Variants in CEP85 observed in about 807,000 individuals in gnomAD.
CEP85 encodes centrosomal protein of 85 kDa.
CEP85 carries 58 observed loss-of-function variants against 93.7 expected under a neutral mutation model. The ratio of observed to expected loss-of-function variants is 0.62; its 90% CI spans 0.50 to 0.77. The LOEUF (loss-of-function observed/expected upper bound fraction) is 0.77. Among genes scored for constraint, CEP85 ranks in the 30% least tolerant of loss-of-function variants. CEP85 has a pLI of 0.00. For synonymous variants in CEP85, 314 were observed against 338.6 expected, an observed-to-expected ratio of 0.93 and a Z score of 0.80; for missense variants, 868 against 922.0, an observed-to-expected ratio of 0.94 and a Z score of 0.76.
intron 7 of CEP85, 55 bp downstream of exon 7, chr1:26,259,857 T>C (rs2089779769): frequency 4.1e-6 from 6 of 1,452,272 alleles, no homozygotes; most frequent in Non-Finnish European, 3.7e-6. Context: ...GTCAGCTGTC[T>C]ACTCTAAAGC....
At chr1:26,239,867 A>G in intron 2 of CEP85, 29 bp downstream of exon 2, 1 of 1,551,582 alleles carries the variant, frequency 6.4e-7, no homozygotes. Flanking sequence ...TCTGGGTTAA[A>G]TTCTGACCTT....
In CEP85 at chr1:26,274,953, G is replaced by T; in HGVS notation, c.1795-11G>T. ...TACTGTGTTCCCTCAACATCTTGCT[G>T]TGTGATTCAGAGCCTAGAGCAGGAA... On this transcript the variant is annotated splice_polypyrimidine_tract_variant and intron_variant, in intron 11 of 13. Coordinates refer to ENST00000451429, the MANE Select transcript of CEP85 (RefSeq NM_001319944.2). 1 of 1,556,084 alleles carries T rather than the reference G, an allele frequency of 6.4e-7. No homozygotes were observed. Among genetic ancestry groups the T allele is most frequent in the Non-Finnish European group, 8.7e-7 (1 of 1,148,892 alleles).
intron 9 of CEP85, among the ~76,000 whole-genome samples, chr1:26,270,182 T>C (rs934709899): frequency 1.3e-5 from 2 of 152,126 alleles, no homozygotes; most frequent in African/African-American, 4.8e-5. Flanking sequence ...ATTCTTAGTA[T>C]GTATGTGTTG....
At chr1:26,271,754 G>A in intron 10 of CEP85, 1 of 449,598 alleles carries the variant, frequency 2.2e-6, no homozygotes. Context: ...AGTTATTAGG[G>A]TGAGAGTTCC....
chr1:26,236,571 T>A (rs1341807124), intron 1 of CEP85, among the ~76,000 whole-genome samples: 2 of 152,220 alleles, frequency 1.3e-5, no homozygotes, highest in African/African-American at 4.8e-5. Context: ...CAAGAATGAT[T>A]TATTTTGTAT....
At chr1:26,257,251 C>T (rs928670067) in intron 4 of CEP85, among the ~76,000 whole-genome samples, 1 of 152,096 alleles carries the variant, frequency 6.6e-6, no homozygotes, top group Non-Finnish European at 1.5e-5. Context: ...TTTAAAAAAT[C>T]CTTGTGCTGC....
chr1:26,269,344 T>C (rs1396811119), intron 8 of CEP85, 116 bp from the exon 9 acceptor site: 8 of 1,033,804 alleles, frequency 7.7e-6, no homozygotes, highest in Non-Finnish European at 1.1e-5. Context: ...AAAATTGCCT[T>C]GCTGAGGAAA....
intron 10 of CEP85, chr1:26,271,438 G>A (rs1296776918): frequency 9.9e-6 from 2 of 202,326 alleles, no homozygotes; most frequent in East Asian, 1.3e-4. Context: ...CCCTTGAATT[G>A]AACAGAGTTC....
chr1:26,256,927 T>G (rs199995464), intron 4 of CEP85, among the ~76,000 whole-genome samples: 3 of 17,820 alleles, frequency 1.7e-4, no homozygotes, highest in Non-Finnish European at 4.7e-4. Flanking sequence ...TGTTTTGTTT[T>G]GGTGTGTGTG....
intron 8 of CEP85, 187 bp from the exon 9 acceptor site, chr1:26,269,273 C>T: frequency 3.4e-6 from 2 of 590,896 alleles, no homozygotes; most frequent in Non-Finnish European, 6.0e-6. Flanking sequence ...TTCCCCTCCC[C>T]TGTCCAGTTG....
chr1:26,269,931 C>T (rs916049781), intron 9 of CEP85, among the ~76,000 whole-genome samples: 9 of 151,950 alleles, frequency 5.9e-5, no homozygotes, highest in Non-Finnish European at 8.8e-5. Flanking sequence ...GGACTACAGG[C>T]GCCCGCCACT....
rs754064908 is a variant in CEP85, at chr1:26,269,643, T to G, written c.1649+29T>G. On this transcript the variant is annotated intron_variant, in intron 9 of 13. Coordinates refer to ENST00000451429, the MANE Select transcript of CEP85 (RefSeq NM_001319944.2). ...AATAACCCTGTGGGACTGAGAGGAG[T>G]GGAGAGTTAAGTTTTTTGTCATAGC... 7.5e-6 allele frequency: 12 copies of G among 1,590,090 alleles called. No individual in the cohort carries two copies. The African/African-American group carries it at 1.6e-4, about 21-fold the overall frequency.
intron 7 of CEP85, among the ~76,000 whole-genome samples, chr1:26,263,701 C>G (rs532187839): frequency 4.0e-4 from 61 of 152,078 alleles, no homozygotes; most frequent in African/African-American, 1.4e-3. Flanking sequence ...GGAAAAAGAT[C>G]AGTAGTTCTG....
At chr1:26,260,752 T>G (rs1235989459) in intron 7 of CEP85, among the ~76,000 whole-genome samples, 1 of 151,938 alleles carries the variant, frequency 6.6e-6, no homozygotes, top group Non-Finnish European at 1.5e-5. Flanking sequence ...AAAATGTACA[T>G]CAGATTCATA....
intron 4 of CEP85, 61 bp downstream of exon 4, chr1:26,255,926 C>G (rs773078870): frequency 1.1e-4 from 156 of 1,396,158 alleles, no homozygotes; most frequent in Non-Finnish European, 1.4e-4. Flanking sequence ...ATTGTAATAG[C>G]TTTTGTCCTT....
intron 7 of CEP85, among the ~76,000 whole-genome samples, chr1:26,263,812 C>G (rs534023515): frequency 1.3e-5 from 2 of 152,310 alleles, no homozygotes; most frequent in Admixed American, 6.5e-5. Flanking sequence ...TTAAACTGCA[C>G]AGTTCCACTT....
chr1:26,276,223 A>G (rs1401645674), intron 12 of CEP85, among the ~76,000 whole-genome samples: 1 of 152,146 alleles, frequency 6.6e-6, no homozygotes, highest in Non-Finnish European at 1.5e-5. Context: ...CTGGCTTGAG[A>G]TAGAGTTCCT....
chr1:26,272,064 A>G lies in CEP85; in HGVS notation c.1787A>G (p.Gln596Arg). Reference sequence around the variant, plus strand: ...CAGAAGATGGATCAGTTGCGCTCACAAGTACAGGTGAGCAGGAATCCTTGG... The same window carrying G: ...CAGAAGATGGATCAGTTGCGCTCACGAGTACAGGTGAGCAGGAATCCTTGG... The part of the protein sequence containing the change: ...QQQKMDQLRS[Q>R]VQSLEQEVAQ... The change falls in exon 11 of 14, where the codon CAA becomes CGA. Residue 596 changes from glutamine (Q) to arginine (R), a missense_variant. Physicochemically the swap from Gln to Arg is conservative, Grantham distance 43 (BLOSUM62 1). Coordinates refer to ENST00000451429, the MANE Select transcript of CEP85 (RefSeq NM_001319944.2). The G allele has an allele frequency of 6.2e-7, 1 of 1,613,758 alleles. No homozygotes were observed.
intron 1 of CEP85, among the ~76,000 whole-genome samples, chr1:26,239,010 A>C (rs1334769359): frequency 1.3e-5 from 2 of 152,234 alleles, no homozygotes; most frequent in Non-Finnish European, 2.9e-5. Context: ...GTTTTGTGTT[A>C]ATCATAATTG....
Sources: gnomAD v4.1 joint callset for allele counts (sites outside exome capture counted in the v4.1 genomes callset) on GRCh38, gnomAD v4.1.1 for gene constraint, MANE v1.5 for transcripts, NCBI Gene and HGNC (gene_info 2026-07-23, HGNC 2026-07-21) for gene names.